MAML3: variants seen among roughly 807,000 people sequenced by gnomAD.
MAML3 encodes mastermind-like protein 3.
Under a neutral mutation model 101.9 loss-of-function variants are expected in MAML3, and 27 were observed. That is an observed-to-expected ratio of 0.27 (90% CI 0.20 to 0.37). MAML3 has a LOEUF of 0.37. Among genes scored for constraint, MAML3 ranks in the 10% least tolerant of loss-of-function variants. The pLI, the probability that MAML3 is intolerant of heterozygous loss-of-function variation, is 1.00. For synonymous variants in MAML3, 501 were observed against 555.9 expected, an observed-to-expected ratio of 0.90 and a Z score of 1.39; for missense variants, 1,316 against 1,444.9, an observed-to-expected ratio of 0.91 and a Z score of 1.45.
intron 2 of MAML3, among the ~76,000 whole-genome samples, chr4:139,832,094 C>CT (rs70943444): frequency 0.042 from 2,713 of 64,432 alleles, 402 homozygotes; most frequent in East Asian, 0.092. Context: ...TGCCCAGCCC[C>CT]TTTTTTTTTT....
At chr4:140,038,928 G>A (rs1456792317) in intron 1 of MAML3, among the ~76,000 whole-genome samples, 2 of 152,004 alleles carry the variant, frequency 1.3e-5, no homozygotes, top group Non-Finnish European at 2.9e-5. Flanking sequence ...CAGGAGATCC[G>A]AGACCATCCT....
At chr4:139,738,635 C>T (rs1005513609) in intron 2 of MAML3, among the ~76,000 whole-genome samples, 4 of 151,926 alleles carry the variant, frequency 2.6e-5, no homozygotes, top group South Asian at 2.1e-4. Flanking sequence ...TACATTTTGC[C>T]GATTCCTTCC....
intron 1 of MAML3, among the ~76,000 whole-genome samples, chr4:139,944,812 AG>A (rs1357958146): frequency 6.9e-6 from 1 of 145,630 alleles, no homozygotes; most frequent in African/African-American, 2.6e-5. Context: ...GGTGCTGGAG[AG>A]GATGTGGAGA....
intron 2 of MAML3, among the ~76,000 whole-genome samples, chr4:139,834,079 CTT>C: frequency 6.6e-6 from 1 of 152,344 alleles, no homozygotes; most frequent in South Asian, 2.1e-4. Context: ...ACTTATGTAA[CTT>C]TGTGACAGGC....
At chr4:139,786,702 C>T (rs1268926695) in intron 2 of MAML3, among the ~76,000 whole-genome samples, 3 of 152,134 alleles carry the variant, frequency 2.0e-5, no homozygotes, top group Non-Finnish European at 2.9e-5. Context: ...CTGCCGTCAC[C>T]GGGCAGGCTG....
At chr4:139,920,900 G>A (rs538770741) in intron 1 of MAML3, among the ~76,000 whole-genome samples, 1 of 152,274 alleles carries the variant, frequency 6.6e-6, no homozygotes, top group African/African-American at 2.4e-5. Flanking sequence ...GGCTCAGCTA[G>A]GTCAGATCTG....
rs76505231 is a variant in MAML3 at position 140,060,825 on chromosome 4, C to T, written c.468+92035G>A. Among the ~76,000 whole-genome samples, 849 of 152,142 alleles carry T rather than the reference C, an allele frequency of 5.6e-3. 7 individuals are homozygous for T. Among genetic ancestry groups the T allele is most frequent in the East Asian group, 0.035 (180 of 5,178 alleles). Reference sequence around the variant, plus strand: ...AAAATGTTTGACCTATTCCTAATTACGATATTAATATAACAATCAGCGTGA... The same window carrying T: ...AAAATGTTTGACCTATTCCTAATTATGATATTAATATAACAATCAGCGTGA... On this transcript the variant is annotated intron_variant, in intron 1 of 4. Coordinates refer to ENST00000509479, the MANE Select transcript of MAML3 (RefSeq NM_018717.5).
intron 1 of MAML3, among the ~76,000 whole-genome samples, chr4:140,111,843 G>T (rs552389218): frequency 6.6e-6 from 1 of 152,190 alleles, no homozygotes; most frequent in African/African-American, 2.4e-5. Context: ...GGAAAGAGTG[G>T]AAGTATTTGT....
At chr4:139,928,725 C>T (rs969127621) in intron 1 of MAML3, among the ~76,000 whole-genome samples, 1 of 152,042 alleles carries the variant, frequency 6.6e-6, no homozygotes, top group African/African-American at 2.4e-5. Flanking sequence ...ACAGCTGGGT[C>T]CCGGAGCTCC....
chr4:140,010,879 GATC>G (rs1726540093), intron 1 of MAML3, among the ~76,000 whole-genome samples: 1 of 151,994 alleles, frequency 6.6e-6, no homozygotes, highest in South Asian at 2.1e-4. Context: ...GAGGCAGGCA[GATC>G]ACTTGAGGTC....
chr4:139,916,829 T>C (rs1390880004), intron 1 of MAML3, among the ~76,000 whole-genome samples: 1 of 152,234 alleles, frequency 6.6e-6, no homozygotes, highest in Non-Finnish European at 1.5e-5. Context: ...ACTTGAAGAC[T>C]TTTTGTAACT....
intron 1 of MAML3, among the ~76,000 whole-genome samples, chr4:139,994,032 C>T (rs1272313334): frequency 1.3e-5 from 2 of 152,134 alleles, no homozygotes; most frequent in Non-Finnish European, 2.9e-5. Context: ...TTTCATGTGA[C>T]ATGGGGGTCT....
At chr4:140,041,275 G>A (rs1273958838) in intron 1 of MAML3, among the ~76,000 whole-genome samples, 1 of 152,056 alleles carries the variant, frequency 6.6e-6, no homozygotes, top group Non-Finnish European at 1.5e-5. Flanking sequence ...TGCTAGCTCA[G>A]ACTTCATGGA....
intron 2 of MAML3, among the ~76,000 whole-genome samples, chr4:139,849,934 G>A (rs1272865403): frequency 6.6e-6 from 1 of 152,128 alleles, no homozygotes; most frequent in African/African-American, 2.4e-5. Context: ...GGCTTGATAT[G>A]CTAACTATAA....
At chr4:139,975,021 G>A (rs1305320919) in intron 1 of MAML3, among the ~76,000 whole-genome samples, 2 of 152,136 alleles carry the variant, frequency 1.3e-5, no homozygotes, top group Non-Finnish European at 2.9e-5. Context: ...GTGGATTTAA[G>A]TAGGGGAAGT....
intron 1 of MAML3, among the ~76,000 whole-genome samples, chr4:139,928,275 G>T (rs1057118890): frequency 6.6e-6 from 1 of 152,166 alleles, no homozygotes; most frequent in Non-Finnish European, 1.5e-5. Context: ...GATTGATTTG[G>T]AAATGGATTT....
chr4:139,992,926 A>G lies in MAML3; in HGVS notation c.469-101959T>C, dbSNP rs1463414100. Among the ~76,000 whole-genome samples, 3 of 152,328 alleles carry G rather than the reference A, an allele frequency of 2.0e-5. No homozygotes were observed. In the East Asian group the frequency reaches 5.8e-4, roughly 29 times the overall value. ...TGTGTCTCCTTGGATTTTAATTCAC[A>G]TTCCCGTAACTAGTAATATTGAGCA... is the stretch of plus-strand genomic sequence containing the variant. On this transcript the variant is annotated intron_variant, in intron 1 of 4. Transcript: ENST00000509479.
At position 140,076,611 on chromosome 4, in the gene MAML3, C is replaced by T. The variant is rs190608190; in HGVS notation, c.468+76249G>A. Among the ~76,000 whole-genome samples, 3 of 152,334 alleles carry T rather than the reference C, an allele frequency of 2.0e-5. No homozygotes were observed. The East Asian group carries it at 5.8e-4, about 29-fold the overall frequency. ...ATTTGGTTTGCCTGATTTATTGAGGCTTCCAGAAAGTGCCTTTTCTTAGCT... is the reference window on the plus strand; with the variant it reads ...ATTTGGTTTGCCTGATTTATTGAGGTTTCCAGAAAGTGCCTTTTCTTAGCT... On this transcript the variant is annotated intron_variant, in intron 1 of 4. Transcript: ENST00000509479.
At chr4:140,094,438 G>A (rs560038116) in intron 1 of MAML3, among the ~76,000 whole-genome samples, 1 of 152,322 alleles carries the variant, frequency 6.6e-6, no homozygotes, top group South Asian at 2.1e-4. Flanking sequence ...GCCGGCCAAC[G>A]CTGTGATGCT....
Sources: gnomAD v4.1 joint callset for allele counts (sites outside exome capture counted in the v4.1 genomes callset) on GRCh38, gnomAD v4.1.1 for gene constraint, MANE v1.5 for transcripts, NCBI Gene and HGNC (gene_info 2026-07-23, HGNC 2026-07-21) for gene names.